Variants in EPB41L4A observed in about 807,000 individuals in gnomAD.
The protein encoded by EPB41L4A is erythrocyte membrane protein band 4.1 like 4A, also known as band 4.1-like protein 4A.
EPB41L4A carries 100 observed loss-of-function variants against 108.6 expected under a neutral mutation model. The observed-to-expected ratio is 0.92, with a 90% CI of 0.78 to 1.09. The LOEUF is 1.09. Among genes scored for constraint, EPB41L4A ranks in the 50% least tolerant of loss-of-function variants. The pLI is 0.00. For synonymous variants in EPB41L4A, 319 were observed against 289.0 expected, an observed-to-expected ratio of 1.10 and a Z score of -1.05; for missense variants, 1,030 against 842.7, an observed-to-expected ratio of 1.22 and a Z score of -2.75.
At chr5:112,411,927 C>A (rs1464051474) in intron 1 of EPB41L4A, among the ~76,000 whole-genome samples, 2 of 152,230 alleles carry the variant, frequency 1.3e-5, no homozygotes, top group African/African-American at 4.8e-5. Flanking sequence ...CAAATAGTCT[C>A]TCTGGGCTAG....
chr5:112,299,501 T>A (rs192680427), intron 2 of EPB41L4A, among the ~76,000 whole-genome samples: 199 of 152,276 alleles, frequency 1.3e-3, no homozygotes, highest in South Asian at 6.0e-3. Flanking sequence ...AAATGTATAT[T>A]CTGAAGTTGT....
At chr5:112,345,936 A>G (rs558767241) in intron 1 of EPB41L4A, among the ~76,000 whole-genome samples, 3 of 151,996 alleles carry the variant, frequency 2.0e-5, no homozygotes, top group East Asian at 1.9e-4. Context: ...GGTAGTTTTG[A>G]TATTTTTTAA....
chr5:112,379,796 A>C (rs1243873497), intron 1 of EPB41L4A, among the ~76,000 whole-genome samples: 1 of 152,212 alleles, frequency 6.6e-6, no homozygotes, highest in Non-Finnish European at 1.5e-5. Flanking sequence ...AGTTGTCAAG[A>C]CAACTGCTTA....
chr5:112,347,709 G>A (rs549478670), intron 1 of EPB41L4A, among the ~76,000 whole-genome samples: 1 of 152,318 alleles, frequency 6.6e-6, no homozygotes, highest in South Asian at 2.1e-4. Context: ...ATACAGCAGT[G>A]AGAAAGAATG....
At chr5:112,287,541 C>A (rs756131340) in intron 2 of EPB41L4A, among the ~76,000 whole-genome samples, 1 of 152,212 alleles carries the variant, frequency 6.6e-6, no homozygotes, top group Non-Finnish European at 1.5e-5. Flanking sequence ...CATTTCAACA[C>A]GGATCAAATC....
intron 1 of EPB41L4A, among the ~76,000 whole-genome samples, chr5:112,308,287 CAA>C (rs1268386804): frequency 6.6e-6 from 1 of 152,188 alleles, no homozygotes; most frequent in African/African-American, 2.4e-5. Context: ...AATCCCACAA[CAA>C]GTCTCACATT....
rs532518022 is a variant in EPB41L4A at position 112,176,583 on chromosome 5, G to T, written c.1623-5591C>A. Among the ~76,000 whole-genome samples, 8 of 152,052 alleles carry T rather than the reference G, an allele frequency of 5.3e-5. No individual in the cohort carries two copies. In the East Asian group the frequency reaches 1.4e-3, roughly 26 times the overall value. ...TACCGCTCACACTACAAATCTGTCAGCTGTACTTCCAAAATGTATATTCAT... is the reference window on the plus strand; with the variant it reads ...TACCGCTCACACTACAAATCTGTCATCTGTACTTCCAAAATGTATATTCAT... On this transcript the variant is annotated intron_variant, in intron 18 of 22. Coordinates refer to ENST00000261486, the MANE Select transcript of EPB41L4A (RefSeq NM_022140.5).
intron 10 of EPB41L4A, among the ~76,000 whole-genome samples, chr5:112,240,518 A>G (rs562601256): frequency 1.3e-5 from 2 of 152,146 alleles, no homozygotes; most frequent in African/African-American, 2.4e-5. Flanking sequence ...ATCTATGTGT[A>G]TAAGTGCCTA....
intron 12 of EPB41L4A, among the ~76,000 whole-genome samples, chr5:112,148,847 C>G (rs1305978821): frequency 6.6e-6 from 1 of 152,130 alleles, no homozygotes; most frequent in Non-Finnish European, 1.5e-5. Flanking sequence ...ATAAGTCCTC[C>G]CTCCTCTGCT....
intron 1 of EPB41L4A, among the ~76,000 whole-genome samples, chr5:112,328,631 C>G (rs950783831): frequency 1.1e-4 from 16 of 152,192 alleles, no homozygotes; most frequent in African/African-American, 3.9e-4. Flanking sequence ...TTTAAAACAC[C>G]ATTCAGGTTA....
intron 1 of EPB41L4A, among the ~76,000 whole-genome samples, chr5:112,376,704 G>T (rs565656916): frequency 1.3e-5 from 2 of 152,124 alleles, no homozygotes; most frequent in Non-Finnish European, 2.9e-5. Flanking sequence ...AATAAAAAAG[G>T]AACAAACTGT....
At chr5:112,182,976 C>T (rs936206679) in intron 18 of EPB41L4A, among the ~76,000 whole-genome samples, 2 of 152,116 alleles carry the variant, frequency 1.3e-5, no homozygotes, top group African/African-American at 4.8e-5. Flanking sequence ...AAAAGAAAGT[C>T]ATCACTCATA....
exon 14 of EPB41L4A, chr5:112,143,876 C>A (rs766461800): frequency 4.4e-6 from 2 of 455,574 alleles, no homozygotes; most frequent in South Asian, 3.1e-5. Context: ...AAAGCAGAGT[C>A]TGCACTGAAG....
intron 1 of EPB41L4A, among the ~76,000 whole-genome samples, chr5:112,314,505 TAAAAAAAAAAAAAAA>T (rs552428109): frequency 0.01 from 579 of 55,216 alleles, 17 homozygotes; most frequent in East Asian, 0.092. Flanking sequence ...CCATCGCTAC[TAAAAAAAAAAAAAAA>T]AAAAAAAAAA....
At chr5:112,313,457 GGC>G (rs1214225418) in intron 1 of EPB41L4A, among the ~76,000 whole-genome samples, 5 of 152,146 alleles carry the variant, frequency 3.3e-5, no homozygotes, top group Non-Finnish European at 5.9e-5. Flanking sequence ...TGGGCGTAGT[GGC>G]GCGCGCCTGT....
At chr5:112,357,388 G>C (rs1355050054) in intron 1 of EPB41L4A, among the ~76,000 whole-genome samples, 2 of 152,180 alleles carry the variant, frequency 1.3e-5, no homozygotes, top group African/African-American at 4.8e-5. Context: ...GGTATAAAGA[G>C]ATTGGGCTCA....
At chr5:112,192,334 C>G (rs544183256) in intron 17 of EPB41L4A, 1 of 152,334 alleles carries the variant, frequency 6.6e-6, no homozygotes, top group African/African-American at 2.4e-5. Flanking sequence ...AGCTATATTT[C>G]TTCTTCCTCT....
At chr5:112,241,997 G>T (rs1749821174) in intron 9 of EPB41L4A, among the ~76,000 whole-genome samples, 1 of 152,156 alleles carries the variant, frequency 6.6e-6, no homozygotes, top group Non-Finnish European at 1.5e-5. Context: ...AAAGTCATCT[G>T]AGCCTTCAGG....
At chr5:112,168,845 A>C in intron 21 of EPB41L4A, 25 bp from the exon 22 acceptor site, 2 of 1,588,448 alleles carry the variant, frequency 1.3e-6, no homozygotes, top group Non-Finnish European at 1.7e-6. Context: ...TTTTAGAATT[A>C]GTGACTGGAA....
Sources: gnomAD v4.1 joint callset for allele counts (sites outside exome capture counted in the v4.1 genomes callset) on GRCh38, gnomAD v4.1.1 for gene constraint, MANE v1.5 for transcripts, NCBI Gene and HGNC (gene_info 2026-07-23, HGNC 2026-07-21) for gene names.